The following CHST11 variants were observed in gnomAD, a reference collection of about 807,000 sequenced individuals.
CHST11 encodes the protein C4S-1.
A neutral mutation model predicts 30.4 loss-of-function variants in CHST11; 9 were observed. The observed-to-expected ratio is 0.30, with a 90% CI of 0.18 to 0.52. The LOEUF is 0.52. Ranked by LOEUF, CHST11 falls within the 20% of genes least tolerant of loss-of-function variation. CHST11 has a pLI of 0.97. For missense variants in CHST11, 348 were observed against 460.6 expected, an observed-to-expected ratio of 0.76 and a Z score of 2.24; for synonymous variants, 152 against 187.8, an observed-to-expected ratio of 0.81 and a Z score of 1.56.
At chr12:104,483,235 T>C (rs995343273) in intron 1 of CHST11, among the ~76,000 whole-genome samples, 4 of 152,216 alleles carry the variant, frequency 2.6e-5, no homozygotes, top group African/African-American at 9.6e-5. Context: ...AGATGGAGTC[T>C]TGCTCTGTCG....
chr12:104,664,886 G>T (rs989105750), intron 2 of CHST11, among the ~76,000 whole-genome samples: 1 of 152,192 alleles, frequency 6.6e-6, no homozygotes, highest in Non-Finnish European at 1.5e-5. Context: ...GGAACTTGCT[G>T]TATGTGCTTT....
chr12:104,740,579 T>C (rs557809251), intron 2 of CHST11, among the ~76,000 whole-genome samples: 8 of 152,228 alleles, frequency 5.3e-5, no homozygotes, highest in Non-Finnish European at 7.3e-5. Context: ...AGTTTTGCCA[T>C]CTGAAAATCA....
chr12:104,515,087 G>A (rs1231040091), intron 1 of CHST11, among the ~76,000 whole-genome samples: 1 of 152,100 alleles, frequency 6.6e-6, no homozygotes, highest in African/African-American at 2.4e-5. Flanking sequence ...TGTATAGCCT[G>A]TGAGCTAAGA....
chr12:104,734,902 GATTC>G (rs1161126699), intron 2 of CHST11, among the ~76,000 whole-genome samples: 1 of 152,228 alleles, frequency 6.6e-6, no homozygotes, highest in East Asian at 1.9e-4. Context: ...ATAACACAGT[GATTC>G]TGTATCATCA....
intron 2 of CHST11, among the ~76,000 whole-genome samples, chr12:104,619,961 T>C (rs560136593): frequency 8.5e-5 from 13 of 152,300 alleles, no homozygotes; most frequent in Non-Finnish European, 1.5e-4. Context: ...AGCCAATAGG[T>C]GAGCCCAGCC....
At chr12:104,562,056 G>C (rs987194254) in intron 1 of CHST11, among the ~76,000 whole-genome samples, 1 of 152,042 alleles carries the variant, frequency 6.6e-6, no homozygotes, top group Admixed American at 6.6e-5. Flanking sequence ...TTCTGCTCTG[G>C]ATATATCTAG....
chr12:104,473,897 G>T (rs752119887), intron 1 of CHST11, among the ~76,000 whole-genome samples: 2 of 151,780 alleles, frequency 1.3e-5, no homozygotes, highest in Admixed American at 6.6e-5. Flanking sequence ...TTTATTTTCC[G>T]TTAAAACATC....
intron 2 of CHST11, among the ~76,000 whole-genome samples, chr12:104,739,897 A>G (rs1029498802): frequency 6.6e-6 from 1 of 152,240 alleles, no homozygotes; most frequent in Admixed American, 6.5e-5. Context: ...GCCTGACTCC[A>G]GAGTCTGATC....
intron 1 of CHST11, among the ~76,000 whole-genome samples, chr12:104,471,582 C>T (rs7301678): frequency 0.052 from 7,898 of 152,142 alleles, 485 homozygotes; most frequent in East Asian, 0.16. Context: ...TGGTTTGCAA[C>T]GGGAGGGTCT....
chr12:104,548,721 A>G (rs1339603792), intron 1 of CHST11, among the ~76,000 whole-genome samples: 1 of 152,188 alleles, frequency 6.6e-6, no homozygotes, highest in East Asian at 1.9e-4. Context: ...TGGAAGTGTT[A>G]TGTCTTGCTT....
intron 2 of CHST11, among the ~76,000 whole-genome samples, chr12:104,689,314 C>T (rs1041286746): frequency 5.3e-5 from 8 of 152,212 alleles, no homozygotes; most frequent in Non-Finnish European, 7.3e-5. Context: ...TGCTTCCAAT[C>T]GAAATACAGT....
intron 2 of CHST11, among the ~76,000 whole-genome samples, chr12:104,707,634 A>G (rs1252162761): frequency 6.6e-6 from 1 of 152,214 alleles, no homozygotes; most frequent in African/African-American, 2.4e-5. Flanking sequence ...GAACCTGAAG[A>G]AAAGATTCCT....
chr12:104,544,265 A>C (rs1269833267), intron 1 of CHST11, among the ~76,000 whole-genome samples: 1 of 152,150 alleles, frequency 6.6e-6, no homozygotes, highest in Non-Finnish European at 1.5e-5. Context: ...GGTCAACTAT[A>C]CTGTCTAGGC....
intron 1 of CHST11, among the ~76,000 whole-genome samples, chr12:104,530,598 G>A (rs768115081): frequency 2.0e-5 from 3 of 152,186 alleles, no homozygotes; most frequent in East Asian, 1.9e-4. Context: ...AAAAGGTGAC[G>A]GAAGGAAGAA....
chr12:104,664,314 A>G (rs2039623511), intron 2 of CHST11, among the ~76,000 whole-genome samples: 1 of 152,224 alleles, frequency 6.6e-6, no homozygotes, highest in Admixed American at 6.5e-5. Flanking sequence ...GATGCTAACA[A>G]AAATGTTCTT....
intron 1 of CHST11, among the ~76,000 whole-genome samples, chr12:104,481,847 A>ATTT (rs4015333): frequency 3.2e-4 from 40 of 125,768 alleles, no homozygotes; most frequent in Non-Finnish European, 5.7e-4. Flanking sequence ...TTTCTCTTGC[A>ATTT]TTTTTTTTTT....
intron 2 of CHST11, among the ~76,000 whole-genome samples, chr12:104,724,590 G>A (rs1276992272): frequency 4.6e-5 from 7 of 151,982 alleles, no homozygotes; most frequent in Admixed American, 1.3e-4. Flanking sequence ...CCAGGGTCCC[G>A]GGAGGCAAAG....
At chr12:104,618,065 C>T (rs571718943) in intron 2 of CHST11, among the ~76,000 whole-genome samples, 11 of 151,894 alleles carry the variant, frequency 7.2e-5, no homozygotes, top group East Asian at 5.8e-4. Flanking sequence ...TGCACCACCA[C>T]GCCCAGCTAA....
At chr12:104,716,714 C>G (rs1451831527) in intron 2 of CHST11, among the ~76,000 whole-genome samples, 1 of 152,210 alleles carries the variant, frequency 6.6e-6, no homozygotes, top group African/African-American at 2.4e-5. Flanking sequence ...GGGGCAGGGT[C>G]TGTGAATGCT....
Sources: gnomAD v4.1 joint callset for allele counts (sites outside exome capture counted in the v4.1 genomes callset) on GRCh38, gnomAD v4.1.1 for gene constraint, MANE v1.5 for transcripts, NCBI Gene and HGNC (gene_info 2026-07-23, HGNC 2026-07-21) for gene names.